CD300C: variants seen among roughly 807,000 people sequenced by gnomAD.
CD300C encodes the protein CD300c molecule, also known as CMRF35-like molecule 6.
Under a neutral mutation model 18.4 loss-of-function variants are expected in CD300C, and 11 were observed. The ratio of observed to expected loss-of-function variants is 0.60; its 90% CI spans 0.38 to 0.99. CD300C has a LOEUF of 0.99. Ranked by LOEUF, CD300C falls within the 50% of genes least tolerant of loss-of-function variation. The pLI is 0.01. For synonymous variants in CD300C, 116 were observed against 116.3 expected (o/e 1.00, Z 0.02); for missense variants, 277 against 287.4 (o/e 0.96, Z 0.26).
At chr17:74,539,241 C>A (rs186753917), downstream of CD300C, among the ~76,000 whole-genome samples, 1 of 152,284 alleles carries the variant, frequency 6.6e-6, no homozygotes, top group Admixed American at 6.5e-5. Flanking sequence ...ATGAAGGGGT[C>A]ACTGCACCCT....
intron 3 of CD300C, 136 bp from the exon 4 acceptor site, chr17:74,541,872 C>G (rs1004416534): frequency 3.4e-6 from 3 of 880,252 alleles, no homozygotes; most frequent in Non-Finnish European, 3.4e-6. Flanking sequence ...CAGTCCATCC[C>G]GTCTCAGCAT....
chr17:74,544,761 G>A lies in CD300C; in HGVS notation c.248C>T (p.Ser83Phe), dbSNP rs1908691523. The change falls in exon 2 of 4, where the codon TCC (serine) becomes TTC (phenylalanine). Residue 83 changes from serine (S) to phenylalanine (F), a missense_variant. Transcript: ENST00000330793. ...GSAGKRNGRVSIRDSPANLSF... is the reference protein window; with the variant it reads ...GSAGKRNGRVFIRDSPANLSF... ...GAGGTTTGCAGGACTGTCCCTGATGGACACTCGGCCATTCCTTTTCCCTGC... is the reference window on the plus strand; with the variant it reads ...GAGGTTTGCAGGACTGTCCCTGATGAACACTCGGCCATTCCTTTTCCCTGC... 1 of 1,614,250 alleles carries A rather than the reference G, an allele frequency of 6.2e-7. No homozygotes were observed. The highest frequency in any genetic ancestry group is 1.3e-5 in the African/African-American group (1 of 75,072).
chr17:74,535,407 T>G, the CD300C span, among the ~76,000 whole-genome samples: 2 of 146,092 alleles, frequency 1.4e-5, no homozygotes, highest in Admixed American at 7.0e-5. Context: ...AGGCGGAGGT[T>G]GCAGTGAGCC....
chr17:74,542,739 A>C (rs1908596400), intron 3 of CD300C, 122 bp downstream of exon 3: 5 of 1,179,632 alleles, frequency 4.2e-6, no homozygotes, highest in Non-Finnish European at 5.9e-6. Context: ...TAGAACCTTC[A>C]CGTTTGGTGT....
chr17:74,536,532 C>CAAAAA (rs376317178), downstream of CD300C, among the ~76,000 whole-genome samples: 1 of 109,202 alleles, frequency 9.2e-6, no homozygotes, highest in Non-Finnish European at 1.8e-5. Context: ...GACTCCGTCT[C>CAAAAA]AAAAAAAAAA....
downstream of CD300C, among the ~76,000 whole-genome samples, chr17:74,536,403 G>T (rs1908376305): frequency 6.6e-6 from 1 of 151,868 alleles, no homozygotes; most frequent in Admixed American, 6.6e-5. Context: ...CGTGGTGGTG[G>T]GCGCCTATAA....
At chr17:74,542,663 G>A (rs1478703383) in intron 3 of CD300C, among the ~76,000 whole-genome samples, 198 bp downstream of exon 3, 1 of 152,248 alleles carries the variant, frequency 6.6e-6, no homozygotes, top group East Asian at 1.9e-4. Flanking sequence ...ACTTCCACCA[G>A]GGCAGGACAG....
intron 1 of CD300C, 130 bp downstream of exon 1, chr17:74,545,592 G>T (rs1908731922): frequency 1.4e-6 from 1 of 709,090 alleles, no homozygotes; most frequent in Non-Finnish European, 2.4e-6. Flanking sequence ...ACCGCTCCTG[G>T]GTGCTCCTTT....
At chr17:74,542,410 C>G (rs891421500) in intron 3 of CD300C, among the ~76,000 whole-genome samples, 1 of 152,132 alleles carries the variant, frequency 6.6e-6, no homozygotes, top group Non-Finnish European at 1.5e-5. Context: ...CCACCTGGAC[C>G]CTTCTTCCTC....
chr17:74,544,625 C>T lies in CD300C; in HGVS notation c.384G>A (p.Glu128=), dbSNP rs752946104. 1.9e-6 allele frequency: 3 copies of T among 1,612,116 alleles called. No homozygotes were observed. Among genetic ancestry groups the T allele is most frequent in the Non-Finnish European group, 2.5e-6 (3 of 1,178,318 alleles). The change falls in exon 2 of 4, where the codon GAG becomes GAA. Residue 128 remains glutamate (E), a synonymous_variant. Transcript: ENST00000330793. ...GGGGCTCACCCGGGAACACGGACAC[C>T]TCAACCTCGACAATGGGATCATGAA... The part of the protein sequence containing the change: ...RDFHDPIVEV[E]VSVFPAGTTT...
At chr17:74,542,762 CA>C in intron 3 of CD300C, 98 bp downstream of exon 3, 5 of 1,407,598 alleles carry the variant, frequency 3.6e-6, no homozygotes, top group Non-Finnish European at 3.8e-6. Flanking sequence ...GAGGTGCGAA[CA>C]AAGAAGGGAC....
At chr17:74,544,285 C>T (rs563919270) in intron 2 of CD300C, among the ~76,000 whole-genome samples, 3 of 152,150 alleles carry the variant, frequency 2.0e-5, no homozygotes, top group Non-Finnish European at 2.9e-5. Flanking sequence ...GCCTCACAGA[C>T]CCCACCCAGG....
In CD300C at chr17:74,545,975, G is replaced by A; in HGVS notation, c.-193C>T. On this transcript the variant is annotated 5_prime_UTR_variant, in exon 1 of 4. Coordinates refer to ENST00000330793, the MANE Select transcript of CD300C (RefSeq NM_006678.5). Reference sequence around the variant, plus strand: ...TCAGGGAGAGAGCCGCCTGGGCTGAGGCCGGTGCTGACAGCTCTGGGATGG... The same window carrying A: ...TCAGGGAGAGAGCCGCCTGGGCTGAAGCCGGTGCTGACAGCTCTGGGATGG... 5.1e-6 allele frequency: 3 copies of A among 586,742 alleles called. No homozygotes were observed. The highest frequency in any genetic ancestry group is 9.2e-6 in the Non-Finnish European group (3 of 324,874). The allele number at this position is 586,742 out of a possible 1,614,324, so 36.3% of individuals were successfully genotyped here. A position where few individuals can be genotyped will look rare whatever the true frequency, so the allele number is the denominator to read the frequency against.
In CD300C at chr17:74,542,993, G is replaced by C; in HGVS notation, c.401-6C>G. ...GGAGGCTGTGGTCGTCCCGGCTGTG[G>C]GTGAAACACAGGTCAACCTTGATGA... On this transcript the variant is annotated splice_polypyrimidine_tract_variant and splice_region_variant and intron_variant, in intron 2 of 3. Coordinates refer to ENST00000330793, the MANE Select transcript of CD300C (RefSeq NM_006678.5). 2 of 1,613,272 alleles carry C rather than the reference G, an allele frequency of 1.2e-6. No homozygotes were observed.
chr17:74,534,658 C>T, the CD300C span, among the ~76,000 whole-genome samples: 672 of 152,306 alleles, frequency 4.4e-3, 7 homozygotes, highest in African/African-American at 0.016. Context: ...TGCTTTTATT[C>T]TCACTTCTCT....
chr17:74,543,341 C>T (rs1254319486), intron 2 of CD300C, among the ~76,000 whole-genome samples: 1 of 152,222 alleles, frequency 6.6e-6, no homozygotes, highest in Non-Finnish European at 1.5e-5. Context: ...ACTGCGAAGC[C>T]AGGGCCCTGG....
Position 74,544,901 on chromosome 17 carries a change from C to T in CD300C, c.108G>A (p.Gly36=). The T allele has an allele frequency of 1.2e-6, 2 of 1,613,600 alleles. No homozygotes were observed. The highest frequency in any genetic ancestry group is 2.2e-5 in the South Asian group (2 of 91,004). ...AGCGACACTGCACACTCAGGGATCC[C>T]CCCACGGGGCCCGCCACGGTCATGG... is the stretch of plus-strand genomic sequence containing the variant. ...SHPMTVAGPV[G]GSLSVQCRYE... Residue 36 remains glycine, a synonymous_variant, in exon 2 of 4, where the codon GGG becomes GGA. Coordinates refer to ENST00000330793, the MANE Select transcript of CD300C (RefSeq NM_006678.5).
At chr17:74,539,115 A>G (rs1421184224), downstream of CD300C, among the ~76,000 whole-genome samples, 1 of 152,158 alleles carries the variant, frequency 6.6e-6, no homozygotes, top group Non-Finnish European at 1.5e-5. Flanking sequence ...TGCCTTAAGC[A>G]TATTCCTTGA....
At chr17:74,542,815 T>C in intron 3 of CD300C, 46 bp downstream of exon 3, 1 of 1,572,936 alleles carries the variant, frequency 6.4e-7, no homozygotes, top group African/African-American at 1.4e-5. Context: ...TCACACGCAG[T>C]GGGGAGGCCG....
Sources: allele counts gnomAD v4.1 joint callset (sites outside exome capture counted in the v4.1 genomes callset), GRCh38; gene constraint gnomAD v4.1.1; transcripts MANE v1.5; gene names NCBI Gene and HGNC (gene_info 2026-07-23, HGNC 2026-07-21).